The following ERI3 variants were observed in gnomAD, a reference collection of about 807,000 sequenced individuals.
The protein encoded by ERI3 is ERI1 exoribonuclease family member 3.
Under a neutral mutation model 44.4 loss-of-function variants are expected in ERI3, and 18 were observed. The ratio of observed to expected loss-of-function variants is 0.41; its 90% confidence interval spans 0.28 to 0.60. The LOEUF is 0.60. Ranked by LOEUF, ERI3 falls within the 20% of genes least tolerant of loss-of-function variation. The pLI is 0.36. For synonymous variants in ERI3, 183 were observed against 164.8 expected, an observed-to-expected ratio of 1.11 and a Z score of -0.84; for missense variants, 294 against 435.5, an observed-to-expected ratio of 0.68 and a Z score of 2.89.
intron 6 of ERI3, among the ~76,000 whole-genome samples, chr1:44,294,882 G>A (rs893715644): frequency 1.1e-4 from 16 of 152,336 alleles, no homozygotes; most frequent in Admixed American, 2.6e-4. Context: ...CTGAACTGCC[G>A]TTGTGTGGCC....
At chr1:44,281,878 ATGTGTG>A (rs10574197) in intron 7 of ERI3, among the ~76,000 whole-genome samples, 11,838 of 126,942 alleles carry the variant, frequency 0.093, 519 homozygotes, top group Non-Finnish European at 0.12. Context: ...ACATGTGCAT[ATGTGTG>A]TGTGTGTGTG....
At chr1:44,278,749 G>A (rs1293951537) in intron 7 of ERI3, among the ~76,000 whole-genome samples, 1 of 151,968 alleles carries the variant, frequency 6.6e-6, no homozygotes. Context: ...ACAGGCGCCC[G>A]CCACCACATC....
At chr1:44,270,532 C>T (rs1202478804) in intron 7 of ERI3, among the ~76,000 whole-genome samples, 2 of 152,164 alleles carry the variant, frequency 1.3e-5, no homozygotes, top group Non-Finnish European at 2.9e-5. Context: ...CCCAAACACA[C>T]CCAGCAGAGC....
intron 8 of ERI3, chr1:44,230,498 A>G (rs1026791592): frequency 2.0e-5 from 3 of 152,264 alleles, no homozygotes; most frequent in African/African-American, 7.2e-5. Context: ...GGAAGGTGTC[A>G]GGGCCTTACC....
intron 7 of ERI3, among the ~76,000 whole-genome samples, chr1:44,250,004 G>A (rs576593227): frequency 6.6e-6 from 1 of 152,288 alleles, no homozygotes; most frequent in African/African-American, 2.4e-5. Context: ...AAAAAAGAAG[G>A]ATAATGTGTG....
intron 8 of ERI3, among the ~76,000 whole-genome samples, chr1:44,233,593 C>A (rs1644236892): frequency 6.6e-6 from 1 of 152,044 alleles, no homozygotes; most frequent in Non-Finnish European, 1.5e-5. Context: ...ACTTTCTAAG[C>A]CCATCCCTCC....
At chr1:44,348,879 T>A (rs1646836500) in intron 2 of ERI3, among the ~76,000 whole-genome samples, 1 of 152,242 alleles carries the variant, frequency 6.6e-6, no homozygotes, top group Non-Finnish European at 1.5e-5. Context: ...TTAACCTTTC[T>A]AGGCCTCAGT....
chr1:44,319,830 G>T, intron 3 of ERI3, 86 bp from the exon 4 acceptor site: 1 of 1,029,096 alleles, frequency 9.7e-7, no homozygotes, highest in Non-Finnish European at 1.5e-6. Context: ...CAAAGAATGA[G>T]TGTTTTGGAT....
At chr1:44,279,379 C>A (rs1035152801) in intron 7 of ERI3, among the ~76,000 whole-genome samples, 2 of 152,138 alleles carry the variant, frequency 1.3e-5, no homozygotes, top group Admixed American at 6.5e-5. Context: ...CATGCATCAC[C>A]AAGTCTGGCT....
chr1:44,339,448 C>T (rs1232768881), intron 2 of ERI3, 126 bp from the exon 3 acceptor site: 10 of 1,026,452 alleles, frequency 9.7e-6, no homozygotes, highest in African/African-American at 1.6e-5. Flanking sequence ...GGAATATCCA[C>T]GCAACATGGG....
intron 8 of ERI3, among the ~76,000 whole-genome samples, chr1:44,240,604 T>G (rs532975595): frequency 3.3e-5 from 5 of 152,186 alleles, no homozygotes; most frequent in African/African-American, 1.2e-4. Context: ...TCACATCCAG[T>G]AGAGATGACA....
At chr1:44,348,401 G>C (rs535320731) in intron 2 of ERI3, among the ~76,000 whole-genome samples, 1 of 152,176 alleles carries the variant, frequency 6.6e-6, no homozygotes, top group Non-Finnish European at 1.5e-5. Flanking sequence ...GGAATCAATT[G>C]CAAGGACACA....
intron 8 of ERI3, among the ~76,000 whole-genome samples, chr1:44,231,638 TCCCGG>T (rs372482559): frequency 2.0e-5 from 3 of 152,274 alleles, no homozygotes; most frequent in African/African-American, 7.2e-5. Context: ...GAGCCATTGG[TCCCGG>T]CCCTTGTTCA....
chr1:44,234,345 C>G (rs1054401983), intron 8 of ERI3, among the ~76,000 whole-genome samples: 3 of 152,136 alleles, frequency 2.0e-5, no homozygotes, highest in Non-Finnish European at 4.4e-5. Context: ...CCTTTTAAAC[C>G]ACCAATCTGG....
chr1:44,284,779 G>A (rs1337182479), intron 7 of ERI3, 56 bp downstream of exon 7: 6 of 1,336,044 alleles, frequency 4.5e-6, no homozygotes, highest in South Asian at 1.2e-5. Context: ...AAGGACGGGA[G>A]CTCTGAGGCA....
chr1:44,308,944 C>T (rs970902300), intron 5 of ERI3, among the ~76,000 whole-genome samples: 8 of 152,344 alleles, frequency 5.3e-5, no homozygotes, highest in Admixed American at 2.6e-4. Context: ...GAGCCCCATC[C>T]TGACACCTGG....
rs1295132492 is a variant in ERI3, at chr1:44,252,815, C to A, written c.832-4777G>T. Among the ~76,000 whole-genome samples, 7 of 152,192 alleles carry A rather than the reference C, an allele frequency of 4.6e-5. No individual in the cohort carries two copies. The highest frequency in any genetic ancestry group is 1.7e-4 in the African/African-American group (7 of 41,450). On this transcript the variant is annotated intron_variant, in intron 7 of 8. Coordinates refer to ENST00000372257, the MANE Select transcript of ERI3 (RefSeq NM_024066.3). The surrounding 1 kb of genome is among the most constrained non-coding windows in gnomAD (Gnocchi z 4.7). ...TGGAGTGGACGCACAGTGGGAAGGG[C>A]TGTGGTTGGGCTAAATGGCTAGAAC...
intron 3 of ERI3, among the ~76,000 whole-genome samples, chr1:44,333,494 C>G (rs1430907399): frequency 6.6e-6 from 1 of 152,092 alleles, no homozygotes; most frequent in African/African-American, 2.4e-5. Context: ...GGTTCTTTCT[C>G]CAGGGAATTG....
intron 2 of ERI3, among the ~76,000 whole-genome samples, chr1:44,351,523 T>C (rs1435748299): frequency 6.6e-6 from 1 of 152,264 alleles, no homozygotes; most frequent in Non-Finnish European, 1.5e-5. Flanking sequence ...ATACTGTCTG[T>C]GGCTACTTTC....
Sources: gnomAD v4.1 joint callset for allele counts (sites outside exome capture counted in the v4.1 genomes callset) on GRCh38, gnomAD v4.1.1 for gene constraint, Gnocchi (gnomAD v3.1) non-coding constraint, MANE v1.5 for transcripts, NCBI Gene and HGNC (gene_info 2026-07-23, HGNC 2026-07-21) for gene names.